FLT1: variants seen among roughly 807,000 people sequenced by gnomAD.
FLT1 encodes the protein fms related receptor tyrosine kinase 1, also known as vascular endothelial growth factor receptor 1.
A neutral mutation model predicts 156.3 loss-of-function variants in FLT1; 49 were observed. The ratio of observed to expected loss-of-function variants is 0.31; its 90% CI spans 0.25 to 0.40. FLT1 has a LOEUF of 0.40. Among genes scored for constraint, FLT1 ranks in the 10% least tolerant of loss-of-function variants. The probability of loss-of-function intolerance (pLI) is 1.00; values close to 1 mark genes in which losing one functional copy is unlikely to be tolerated. For synonymous variants in FLT1, 594 were observed against 583.8 expected (o/e 1.02, Z -0.25); for missense variants, 1,322 against 1,637.2 (o/e 0.81, Z 3.32).
Position 28,430,037 on chromosome 13 carries a change from A to T in FLT1, c.1106+13T>A, listed in dbSNP as rs766543893. 8.0e-6 allele frequency: 12 copies of T among 1,501,614 alleles called. No homozygotes were observed. The highest frequency in any genetic ancestry group is 1.7e-5 in the Admixed American group (1 of 59,846). 93.0% of individuals were successfully genotyped at this position (1,501,614 alleles called of 1,614,324 possible). ...TATGTCTTAAACTGTTATGGAAATA[A>T]GGATGGTCCTACCATACAACTTCCG... On this transcript the variant is annotated intron_variant, in intron 8 of 29. Coordinates refer to ENST00000282397, the MANE Select transcript of FLT1 (RefSeq NM_002019.4).
At chr13:28,422,298 C>G (rs762407141) in intron 10 of FLT1, among the ~76,000 whole-genome samples, 2 of 113,870 alleles carry the variant, frequency 1.8e-5, no homozygotes, top group African/African-American at 6.8e-5. Flanking sequence ...ACAAAGAACC[C>G]GATGTTACCT....
chr13:28,328,851 A>G (rs151026271), intron 19 of FLT1, among the ~76,000 whole-genome samples: 18 of 152,332 alleles, frequency 1.2e-4, no homozygotes, highest in African/African-American at 4.1e-4. Flanking sequence ...GCCACGACAG[A>G]GAACTTCATA....
chr13:28,318,603 C>T (rs115308649), intron 24 of FLT1, among the ~76,000 whole-genome samples: 3,409 of 152,276 alleles, frequency 0.022, 121 homozygotes, highest in African/African-American at 0.076. Flanking sequence ...ACTGCAGCCG[C>T]CAAGCTGCTT....
At chr13:28,344,275 C>T (rs1308616657) in intron 16 of FLT1, among the ~76,000 whole-genome samples, 1 of 152,112 alleles carries the variant, frequency 6.6e-6, no homozygotes, top group African/African-American at 2.4e-5. Flanking sequence ...CACGCTGTAG[C>T]CCTGGCCTTC....
In FLT1 at chr13:28,311,860, T is replaced by TAC. The variant is rs375433146; in HGVS notation, c.3493-130_3493-129dup. 6.7e-4 allele frequency: 731 copies of TAC among 1,098,148 alleles called. 1 individual carries two copies. The highest frequency in any genetic ancestry group is 1.8e-3 in the South Asian group (145 of 78,742). The allele number at this position is 1,098,148 out of a possible 1,614,324, so 68.0% of individuals were successfully genotyped here. On this transcript the variant is annotated intron_variant, in intron 26 of 29. Transcript: ENST00000282397. ...TGTGTTTTGAGAAGATAATTCTGTA[T>TAC]ACACACACACACACCCTTTTTTTAA...
chr13:28,303,131 A>T lies in FLT1; in HGVS notation c.*36T>A. 1.9e-6 allele frequency: 3 copies of T among 1,581,984 alleles called. No individual in the cohort carries two copies. Among genetic ancestry groups the T allele is most frequent in the Non-Finnish European group, 2.6e-6 (3 of 1,160,954 alleles). On this transcript the variant is annotated 3_prime_UTR_variant, in exon 30 of 30. Transcript: ENST00000282397. Reference sequence around the variant, plus strand: ...GCTAGTTTCCTGGGGGTATAAATACACATGTGCTTCTAGAAATAAGGCTTC... The same window carrying T: ...GCTAGTTTCCTGGGGGTATAAATACTCATGTGCTTCTAGAAATAAGGCTTC...
rs1393423729 is a variant in FLT1 at position 28,357,641 on chromosome 13, C to T, written c.2161G>A (p.Val721Ile). 1 of 1,613,798 alleles carries T rather than the reference C, an allele frequency of 6.2e-7. No individual in the cohort carries two copies. Residue 721 changes from valine (V) to isoleucine (I), a missense_variant, in exon 15 of 30, where the codon GTC becomes ATC. By Grantham distance (29) the Val-to-Ile change is conservative. This residue lies in a region of FLT1 where 991 missense variants were observed against 1,254.8 expected (regional missense o/e 0.79). Coordinates refer to ENST00000282397, the MANE Select transcript of FLT1 (RefSeq NM_002019.4). Reference sequence around the variant, plus strand: ...TAGACACCTTCATCCTCTTCTGTGACTCTTTCAATAAACAGCGTGCTGCTT... The same window carrying T: ...TAGACACCTTCATCCTCTTCTGTGATTCTTTCAATAAACAGCGTGCTGCTT... ...PGSSTLFIER[V>I]TEEDEGVYHC...
intron 29 of FLT1, 61 bp downstream of exon 29, chr13:28,306,617 C>G: frequency 8.6e-7 from 1 of 1,161,636 alleles, no homozygotes; most frequent in Non-Finnish European, 1.3e-6. Flanking sequence ...ACCACCTTCC[C>G]CCAGCATCTC....
At chr13:28,364,448 T>C (rs535765986) in intron 14 of FLT1, among the ~76,000 whole-genome samples, 1 of 152,310 alleles carries the variant, frequency 6.6e-6, no homozygotes, top group South Asian at 2.1e-4. Context: ...TTATTAACTT[T>C]TTGTGCTTTT....
rs369020762 is a variant in FLT1 at position 28,411,282 on chromosome 13, T to C, written c.1437-5388A>G. Among the ~76,000 whole-genome samples the C allele has an allele frequency of 1.6e-4, 25 of 151,958 alleles. No homozygotes were observed. In the East Asian group the frequency reaches 4.8e-3, roughly 29 times the overall value. On this transcript the variant is annotated intron_variant, in intron 10 of 29. Coordinates refer to ENST00000282397, the MANE Select transcript of FLT1 (RefSeq NM_002019.4). ...AAAAAAAAAATCTGGCCAGGCGCTG[T>C]GACTCACACCTGTAAATCCCAGCAC...
At chr13:28,460,672 C>A (rs1434197002) in intron 3 of FLT1, among the ~76,000 whole-genome samples, 9 of 140,176 alleles carry the variant, frequency 6.4e-5, no homozygotes, top group African/African-American at 2.1e-4. Context: ...CCCCACCCCC[C>A]CAAAAAATCA....
intron 1 of FLT1, among the ~76,000 whole-genome samples, chr13:28,477,955 T>G (rs781701358): frequency 6.6e-6 from 1 of 152,218 alleles, no homozygotes; most frequent in Non-Finnish European, 1.5e-5. Flanking sequence ...TCAATGTATG[T>G]GAGACTAAAT....
At chr13:28,429,100 T>C (rs1009757996) in intron 8 of FLT1, among the ~76,000 whole-genome samples, 1 of 152,184 alleles carries the variant, frequency 6.6e-6, no homozygotes, top group African/African-American at 2.4e-5. Context: ...CAATTTACTA[T>C]TAAACCTAAA....
intron 14 of FLT1, among the ~76,000 whole-genome samples, chr13:28,362,626 C>G (rs916372314): frequency 6.6e-6 from 1 of 152,086 alleles, no homozygotes; most frequent in African/African-American, 2.4e-5. Context: ...CGAGACCAGC[C>G]TGGGCAACAT....
intron 16 of FLT1, among the ~76,000 whole-genome samples, chr13:28,341,300 C>T (rs80203929): frequency 0.014 from 2,124 of 152,266 alleles, 43 homozygotes; most frequent in African/African-American, 0.048. Flanking sequence ...TTTATTCTTT[C>T]AATTGACATT....
intron 15 of FLT1, among the ~76,000 whole-genome samples, chr13:28,350,786 A>C (rs1012808039): frequency 6.6e-6 from 1 of 152,142 alleles, no homozygotes; most frequent in East Asian, 1.9e-4. Flanking sequence ...TCATCCTTAC[A>C]AAGTGGAGAT....
intron 10 of FLT1, among the ~76,000 whole-genome samples, chr13:28,422,686 G>A (rs1877080084): frequency 6.6e-6 from 1 of 152,166 alleles, no homozygotes; most frequent in Non-Finnish European, 1.5e-5. Flanking sequence ...TCCCGTTTGT[G>A]GGGAACAGAT....
chr13:28,407,944 C>A (rs947825093), intron 10 of FLT1, among the ~76,000 whole-genome samples: 1 of 152,086 alleles, frequency 6.6e-6, no homozygotes, highest in African/African-American at 2.4e-5. Flanking sequence ...GTTAATCTTG[C>A]GTTAGACTTG....
At chr13:28,375,499 C>T (rs1330850347) in intron 14 of FLT1, among the ~76,000 whole-genome samples, 1 of 152,116 alleles carries the variant, frequency 6.6e-6, no homozygotes, top group Admixed American at 6.6e-5. Context: ...TTTTCGCATG[C>T]TGTTACCCCA....
Sources: allele counts gnomAD v4.1 joint callset (sites outside exome capture counted in the v4.1 genomes callset), GRCh38; gene constraint gnomAD v4.1.1; regional missense constraint gnomAD v4.1.1; transcripts MANE v1.5; gene names NCBI Gene and HGNC (gene_info 2026-07-23, HGNC 2026-07-21).